Variants in PNPLA7 observed in about 807,000 individuals in gnomAD.
PNPLA7 encodes the protein patatin like domain 7, lysophospholipase.
In PNPLA7, 153 loss-of-function variants were observed where a neutral mutation model predicts 161.7. The observed-to-expected ratio is 0.95, with a 90% CI of 0.83 to 1.08. The LOEUF (loss-of-function observed/expected upper bound fraction) is 1.08. Ranked by LOEUF, PNPLA7 falls within the 50% of genes least tolerant of loss-of-function variation. The pLI is 0.00. For missense variants in PNPLA7, 1,739 were observed against 1,856.6 expected (o/e 0.94, Z 1.16); for synonymous variants, 809 against 782.1 (o/e 1.03, Z -0.57).
chr9:137,491,513 G>T (rs138174994), intron 20 of PNPLA7: 49 of 983,226 alleles, frequency 5.0e-5, no homozygotes, highest in Non-Finnish European at 5.6e-5. Context: ...ATTACGTTAC[G>T]TGTTAGACAG....
At chr9:137,494,752 G>A (rs1239925273) in intron 19 of PNPLA7, among the ~76,000 whole-genome samples, 2 of 96,074 alleles carry the variant, frequency 2.1e-5, no homozygotes, top group Non-Finnish European at 4.2e-5. Flanking sequence ...CCTCACCTGC[G>A]CCCTGCCCTC....
chr9:137,464,562 G>A, intron 26 of PNPLA7, 106 bp from the exon 27 acceptor site: 1 of 1,041,444 alleles, frequency 9.6e-7, no homozygotes, highest in Non-Finnish European at 1.5e-6. Flanking sequence ...CGGGGGTCCA[G>A]AGTGTCCTTG....
chr9:137,493,945 G>C (rs1312662408), intron 19 of PNPLA7, among the ~76,000 whole-genome samples: 1 of 152,148 alleles, frequency 6.6e-6, no homozygotes, highest in African/African-American at 2.4e-5. Flanking sequence ...GGATCCAGGA[G>C]CTGCGGGCAG....
chr9:137,495,073 G>A lies in PNPLA7; in HGVS notation c.2087C>T (p.Pro696Leu), dbSNP rs766293841. The A allele has an allele frequency of 1.6e-5, 26 of 1,610,178 alleles. No individual in the cohort carries two copies. In the East Asian group the frequency reaches 2.9e-4, roughly 18 times the overall value. ...CTTGATGGACGTGAGGGCTCCTGCC[G>A]GCAGCTTGGCCAATTCTGAGTCCCG... ...AVRDSELAKL[P>L]AGALTSIKRR... The change falls in exon 19 of 35, where the codon CCG (proline) becomes CTG (leucine). Residue 696 changes from proline to leucine, a missense_variant. Transcript: ENST00000406427.
chr9:137,505,419 G>A (rs908775400), intron 14 of PNPLA7, among the ~76,000 whole-genome samples, 195 bp downstream of exon 14: 2 of 152,234 alleles, frequency 1.3e-5, no homozygotes, highest in African/African-American at 4.8e-5. Flanking sequence ...TCGGCTTTGA[G>A]TTTGAACATA....
chr9:137,502,612 G>T (rs1278403787), intron 14 of PNPLA7, among the ~76,000 whole-genome samples: 12 of 126,324 alleles, frequency 9.5e-5, no homozygotes, highest in Admixed American at 8.4e-4. Flanking sequence ...GCCGTGGGAG[G>T]TTCTTCAGGA....
At chr9:137,484,522 C>A (rs946042702) in intron 21 of PNPLA7, 65 bp downstream of exon 21, 1 of 1,485,690 alleles carries the variant, frequency 6.7e-7, no homozygotes, top group Non-Finnish European at 9.0e-7. Flanking sequence ...AGAGGGCAGC[C>A]GGCAGGCGCC....
intron 21 of PNPLA7, among the ~76,000 whole-genome samples, chr9:137,482,622 G>A (rs937138102): frequency 6.6e-6 from 1 of 152,244 alleles, no homozygotes; most frequent in Non-Finnish European, 1.5e-5. Flanking sequence ...CTCCGTGACA[G>A]AGTGGCCCCG....
rs1836560405 is a variant in PNPLA7, at chr9:137,546,912, G to T, written c.194-3C>A. 6.2e-7 allele frequency: 1 copy of T among 1,613,562 alleles called. No individual in the cohort carries two copies. The highest frequency in any genetic ancestry group is 1.7e-5 in the Admixed American group (1 of 60,000). ...CTGAGGAGTGGGCTGTGCTTGTCCT[G>T]CAGGGGAGTAAAGGGATGGCCTGAG... On this transcript the variant is annotated splice_region_variant and splice_polypyrimidine_tract_variant and intron_variant, in intron 3 of 34. Coordinates refer to ENST00000406427, the MANE Select transcript of PNPLA7 (RefSeq NM_001098537.3).
intron 12 of PNPLA7, among the ~76,000 whole-genome samples, chr9:137,512,423 C>G (rs552016573): frequency 2.0e-5 from 3 of 152,256 alleles, no homozygotes; most frequent in Non-Finnish European, 4.4e-5. Context: ...AACCTCACCT[C>G]GGCTGGCAGC....
intron 32 of PNPLA7, 110 bp downstream of exon 32, chr9:137,461,821 G>A (rs1166138496): frequency 1.6e-6 from 2 of 1,286,594 alleles, no homozygotes; most frequent in African/African-American, 3.0e-5. Context: ...AGGGGGGCAG[G>A]GCCTGTGGCC....
chr9:137,527,280 A>C (rs990373440), intron 8 of PNPLA7, among the ~76,000 whole-genome samples: 10 of 143,324 alleles, frequency 7.0e-5, no homozygotes, highest in Non-Finnish European at 1.1e-4. Context: ...AAAAAAAAAA[A>C]CCACAAAAAA....
chr9:137,497,790 G>A (rs1226106657), intron 17 of PNPLA7, among the ~76,000 whole-genome samples: 3 of 152,242 alleles, frequency 2.0e-5, no homozygotes, highest in Non-Finnish European at 2.9e-5. Context: ...GCCTCCCAAA[G>A]TGCTGGGATG....
At chr9:137,504,418 G>C (rs1391077625) in intron 14 of PNPLA7, among the ~76,000 whole-genome samples, 1 of 152,158 alleles carries the variant, frequency 6.6e-6, no homozygotes, top group Non-Finnish European at 1.5e-5. Flanking sequence ...CACCATGTTG[G>C]TCAGGCTGGT....
chr9:137,522,214 A>G lies in PNPLA7; in HGVS notation c.877-498T>C, dbSNP rs564545817. 3.9e-5 allele frequency among the ~76,000 whole-genome samples: 6 copies of G among 152,314 alleles called. No homozygotes were observed. In the South Asian group the frequency reaches 1.0e-3, roughly 26 times the overall value. ...CTCAGCCTCCCGAGTAGCTGGGACT[A>G]CAGGCGCCCGCCACCACGCCTGGCT... On this transcript the variant is annotated intron_variant, in intron 9 of 34. Coordinates refer to ENST00000406427, the MANE Select transcript of PNPLA7 (RefSeq NM_001098537.3).
At chr9:137,496,820 G>T (rs1833085970) in intron 18 of PNPLA7, among the ~76,000 whole-genome samples, 1 of 152,228 alleles carries the variant, frequency 6.6e-6, no homozygotes, top group Non-Finnish European at 1.5e-5. Flanking sequence ...GCAGGGGCCT[G>T]CTGTGAGACC....
chr9:137,536,232 G>T (rs1032863204), intron 8 of PNPLA7, among the ~76,000 whole-genome samples: 5 of 152,056 alleles, frequency 3.3e-5, no homozygotes. Context: ...GATTTCTAAG[G>T]TTTCCAAACA....
In PNPLA7 at chr9:137,499,710, G is replaced by A. The variant is rs1833274417; in HGVS notation, c.1757+981C>T. ...CCCGCTGCCCCCACCCCTGCCCCTTGCCCGGCTCGGGGTCCCCAGGCTGAA... is the reference window on the plus strand; with the variant it reads ...CCCGCTGCCCCCACCCCTGCCCCTTACCCGGCTCGGGGTCCCCAGGCTGAA... On this transcript the variant is annotated intron_variant, in intron 16 of 34. Transcript: ENST00000406427. This position sits in a 1 kb window ranked among gnomAD's most constrained non-coding sequence, Gnocchi z 5.5. Among the ~76,000 whole-genome samples, 1 of 152,254 alleles carries A rather than the reference G, an allele frequency of 6.6e-6. No individual in the cohort carries two copies. The highest frequency in any genetic ancestry group is 2.4e-5 in the African/African-American group (1 of 41,458).
rs774349421 is a variant in PNPLA7, at chr9:137,523,413, G to A, written c.748-556C>T. Among the ~76,000 whole-genome samples, 2 of 152,210 alleles carry A rather than the reference G, an allele frequency of 1.3e-5. No homozygotes were observed. Among genetic ancestry groups the A allele is most frequent in the African/African-American group, 2.4e-5 (1 of 41,466 alleles). ...CACAGTGGCTCACCGCGTGGATGTG[G>A]CCAGCAGAGCTCCACACGGCCAAGG... On this transcript the variant is annotated intron_variant, in intron 8 of 34. Coordinates refer to ENST00000406427, the MANE Select transcript of PNPLA7 (RefSeq NM_001098537.3). This position sits in a 1 kb window ranked among gnomAD's most constrained non-coding sequence, Gnocchi z 4.4.
Sources: allele counts gnomAD v4.1 joint callset (sites outside exome capture counted in the v4.1 genomes callset), GRCh38; gene constraint gnomAD v4.1.1; non-coding constraint Gnocchi (gnomAD v3.1); transcripts MANE v1.5; gene names NCBI Gene and HGNC (gene_info 2026-07-23, HGNC 2026-07-21).